The following DCAF5 variants were observed in gnomAD, a reference collection of about 807,000 sequenced individuals.
The protein encoded by DCAF5 is DDB1 and CUL4 associated factor 5.
A neutral mutation model predicts 80.7 loss-of-function variants in DCAF5; 9 were observed. The ratio of observed to expected loss-of-function variants is 0.11; its 90% CI spans 0.07 to 0.19. The LOEUF (loss-of-function observed/expected upper bound fraction) is 0.19. DCAF5 is among the 10% of genes least tolerant of loss of function. The pLI, the probability that DCAF5 is intolerant of heterozygous loss-of-function variation, is 1.00. For missense variants in DCAF5, 842 were observed against 1,205.7 expected (o/e 0.70, Z 4.47); for synonymous variants, 433 against 461.9 (o/e 0.94, Z 0.80).
At chr14:69,110,228 CT>C (rs150033987) in intron 5 of DCAF5, among the ~76,000 whole-genome samples, 34,807 of 133,778 alleles carry the variant, frequency 0.26, 5,512 homozygotes, top group Middle Eastern at 0.46. Context: ...ATGTATTATG[CT>C]TTTTTTTTTC....
chr14:69,147,844 A>G (rs951267835), intron 1 of DCAF5, among the ~76,000 whole-genome samples: 7 of 152,328 alleles, frequency 4.6e-5, no homozygotes, highest in East Asian at 1.9e-4. Context: ...ATCTCTCACT[A>G]TAACTCAAAA....
Position 69,055,215 on chromosome 14 carries a change from T to C in DCAF5, c.1471A>G (p.Thr491Ala), listed in dbSNP as rs781610832. 6.2e-7 allele frequency: 1 copy of C among 1,614,200 alleles called. No homozygotes were observed. The highest frequency in any genetic ancestry group is 1.1e-5 in the South Asian group (1 of 91,092). The change falls in exon 9 of 9, where the codon ACA becomes GCA. Residue 491 changes from threonine (T) to alanine (A), a missense_variant. By Grantham distance (58) the Thr-to-Ala change is moderately conservative (BLOSUM62 0). Coordinates refer to ENST00000341516, the MANE Select transcript of DCAF5 (RefSeq NM_003861.3). This position sits in a 1 kb window ranked among gnomAD's most constrained non-coding sequence, Gnocchi z 5.6. ...GGTGGAGTTGAGGCTACTGTGTTTG[T>C]GGTGGTGACCCGCAGGGGCCCCAGG... ...FHLGPLRVTT[T>A]NTVASTPPTP... is the part of the protein sequence containing the mutation.
At chr14:69,073,670 A>C (rs2038788822) in intron 7 of DCAF5, among the ~76,000 whole-genome samples, 1 of 151,290 alleles carries the variant, frequency 6.6e-6, no homozygotes, top group African/African-American at 2.5e-5. Context: ...AAAAGAAAAG[A>C]AAGCAGCAGG....
rs1287513955 is a variant in DCAF5, at chr14:69,054,067, G to A, written c.2619C>T (p.Ser873=). 6.2e-7 allele frequency: 1 copy of A among 1,614,132 alleles called. No homozygotes were observed. Among genetic ancestry groups the A allele is most frequent in the African/African-American group, 1.3e-5 (1 of 75,042 alleles). Residue 873 remains serine (S), a synonymous_variant, in exon 9 of 9, where the codon TCC becomes TCT. Coordinates refer to ENST00000341516, the MANE Select transcript of DCAF5 (RefSeq NM_003861.3). The part of the protein sequence containing the change: ...GHSDTDRDNS[S]LTGTLLHKDC... ...CTTTGTGTAGGAGTGTCCCTGTCAG[G>A]GACGAGTTATCACGGTCAGTGTCTG...
At chr14:69,102,674 T>TTCACA (rs2140008162) in intron 5 of DCAF5, among the ~76,000 whole-genome samples, 1 of 148,818 alleles carries the variant, frequency 6.7e-6, no homozygotes, top group South Asian at 2.2e-4. Context: ...ATCTTCTACC[T>TTCACA]TCACATCTGT....
chr14:69,108,438 C>T (rs543736353), intron 5 of DCAF5, among the ~76,000 whole-genome samples: 11 of 152,050 alleles, frequency 7.2e-5, no homozygotes, highest in African/African-American at 2.7e-4. Context: ...AGCTAAGGAG[C>T]CAGTGCAGTC....
At chr14:69,113,813 C>G (rs2040452043) in intron 5 of DCAF5, among the ~76,000 whole-genome samples, 1 of 152,166 alleles carries the variant, frequency 6.6e-6, no homozygotes, top group Non-Finnish European at 1.5e-5. Flanking sequence ...ATTTCATCCC[C>G]CTTTTCTGCC....
chr14:69,088,054 G>A (rs1446476098), intron 6 of DCAF5, among the ~76,000 whole-genome samples: 3 of 152,014 alleles, frequency 2.0e-5, no homozygotes, highest in Non-Finnish European at 4.4e-5. Context: ...GAAAAAAATC[G>A]GAGGCCCTGA....
intron 1 of DCAF5, among the ~76,000 whole-genome samples, chr14:69,137,274 G>A (rs368910307): frequency 2.6e-5 from 4 of 152,192 alleles, no homozygotes; most frequent in South Asian, 4.1e-4. Flanking sequence ...AAACCAGTAA[G>A]GAAAGTTATT....
At chr14:69,129,790 G>C (rs949565657) in intron 1 of DCAF5, among the ~76,000 whole-genome samples, 3 of 152,200 alleles carry the variant, frequency 2.0e-5, no homozygotes, top group Admixed American at 6.5e-5. Context: ...GGGAAGGCTA[G>C]GCCTTTCTTC....
chr14:69,091,584 A>C (rs914075040), intron 6 of DCAF5, 90 bp downstream of exon 6: 1 of 1,195,614 alleles, frequency 8.4e-7, no homozygotes, highest in Non-Finnish European at 1.2e-6. Context: ...TCTACCTGAC[A>C]TAATGGTAAT....
At chr14:69,093,614 A>G (rs2039602532) in intron 5 of DCAF5, among the ~76,000 whole-genome samples, 1 of 152,216 alleles carries the variant, frequency 6.6e-6, no homozygotes, top group African/African-American at 2.4e-5. Context: ...AAACCACAGT[A>G]CAAAGGCAGC....
In DCAF5 at chr14:69,054,488, A is replaced by G. The variant is rs529216482; in HGVS notation, c.2198T>C (p.Phe733Ser). ...GGGAGTTCTAGGAGTCTCTTCTTTA[A>G]AAGTGTCCTTGCTGCAGCCTTCAGG... The part of the protein sequence containing the change: ...LPPEGCSKDT[F>S]KEETPRTPSN... Residue 733 changes from phenylalanine (F) to serine (S), a missense_variant, in exon 9 of 9, where the codon TTT becomes TCT. This residue lies in a region of DCAF5 where 607 missense variants were observed against 656.6 expected (regional missense o/e 0.92). Transcript: ENST00000341516. 9 of 1,614,112 alleles carry G rather than the reference A, an allele frequency of 5.6e-6. No homozygotes were observed. The highest frequency in any genetic ancestry group is 4.5e-5 in the East Asian group (2 of 44,880).
intron 5 of DCAF5, among the ~76,000 whole-genome samples, chr14:69,097,814 A>G (rs192067771): frequency 3.9e-4 from 59 of 151,782 alleles, no homozygotes; most frequent in Non-Finnish European, 1.3e-4. Context: ...CTTGAACTCT[A>G]CTGACCTCAA....
intron 1 of DCAF5, among the ~76,000 whole-genome samples, chr14:69,151,368 G>A (rs888101864): frequency 1.3e-5 from 2 of 152,044 alleles, no homozygotes; most frequent in African/African-American, 4.8e-5. Flanking sequence ...TGGACTGTAC[G>A]CCCCATGTCA....
intron 1 of DCAF5, chr14:69,144,061 C>T (rs533678802): frequency 1.8e-4 from 27 of 152,224 alleles, no homozygotes; most frequent in African/African-American, 6.3e-4. Context: ...AATGTCCTTC[C>T]TTGATTCTTT....
intron 5 of DCAF5, among the ~76,000 whole-genome samples, chr14:69,099,964 T>C (rs1395089176): frequency 6.6e-6 from 1 of 151,816 alleles, no homozygotes; most frequent in African/African-American, 2.4e-5. Flanking sequence ...AGAAAAGAAG[T>C]TCAAAAGGAA....
intron 1 of DCAF5, 63 bp from the exon 2 acceptor site, chr14:69,122,423 T>C (rs1291528522): frequency 3.0e-5 from 46 of 1,555,770 alleles, no homozygotes; most frequent in Non-Finnish European, 3.8e-5. Context: ...ACAGATGGTT[T>C]TGCCAGCCTT....
At position 69,085,125 on chromosome 14, in the gene DCAF5, T is replaced by C. The variant is rs913890541; in HGVS notation, c.879+6549A>G. 6.3e-6 allele frequency: 5 copies of C among 792,962 alleles called. No individual in the cohort carries two copies. The African/African-American group carries it at 6.8e-5, about 11-fold the overall frequency. 49.1% of individuals were successfully genotyped at this position (792,962 alleles called of 1,614,324 possible). A position where few individuals can be genotyped will look rare whatever the true frequency, so the allele number is the denominator to read the frequency against. ...TTTTCATAAGTCAGCTCAGGAAGCA[T>C]ATAAATCATACATACAAACCTACGA... On this transcript the variant is annotated intron_variant, in intron 6 of 8. Coordinates refer to ENST00000341516, the MANE Select transcript of DCAF5 (RefSeq NM_003861.3).
Sources: gnomAD v4.1 joint callset for allele counts (sites outside exome capture counted in the v4.1 genomes callset) on GRCh38, gnomAD v4.1.1 for gene constraint, gnomAD v4.1.1 regional missense constraint, Gnocchi (gnomAD v3.1) non-coding constraint, MANE v1.5 for transcripts, NCBI Gene and HGNC (gene_info 2026-07-23, HGNC 2026-07-21) for gene names.